ARHGAP36: variants seen among roughly 807,000 people sequenced by gnomAD.
ARHGAP36 encodes the protein Rho GTPase activating protein 36.
In ARHGAP36, 7 loss-of-function variants were observed where a neutral mutation model predicts 32.9. The ratio of observed to expected loss-of-function variants is 0.21; its 90% CI spans 0.12 to 0.40. The LOEUF (loss-of-function observed/expected upper bound fraction) is 0.40, where lower values mean the gene tolerates loss of function less well. Ranked by LOEUF, ARHGAP36 falls within the 10% of genes least tolerant of loss-of-function variation. ARHGAP36 has a pLI of 1.00. For synonymous variants in ARHGAP36, 165 were observed against 168.3 expected, an observed-to-expected ratio of 0.98 and a Z score of 0.15; for missense variants, 383 against 442.2, an observed-to-expected ratio of 0.87 and a Z score of 1.20.
chrX:131,075,029 A>G (rs2079754007), intron 1 of ARHGAP36, among the ~76,000 whole-genome samples: 1 of 112,044 alleles, frequency 8.9e-6, no homozygotes, highest in Non-Finnish European at 1.9e-5. Context: ...ACCCATTTTC[A>G]TCTTCAAAGG....
Position 131,085,034 on chromosome X carries a change from G to T in ARHGAP36, c.925G>T (p.Asp309Tyr). The T allele has an allele frequency of 8.3e-7, 1 of 1,211,068 alleles. No homozygotes were observed. The highest frequency in any genetic ancestry group is 1.1e-6 in the Non-Finnish European group (1 of 895,398). Reference sequence around the variant, plus strand: ...CATGAAGGATTCTCTGCTGCCAGATGATCTGTACATGTCATTCCTCCTGAC... The same window carrying T: ...CATGAAGGATTCTCTGCTGCCAGATTATCTGTACATGTCATTCCTCCTGAC... ...RDMKDSLLPD[D>Y]LYMSFLLTAT... is the part of the protein sequence containing the mutation. The change falls in exon 7 of 12, where the codon GAT becomes TAT. Residue 309 changes from aspartate (D) to tyrosine (Y), a missense_variant. Asp to Tyr is a radical substitution (Grantham distance 160). This residue lies in a region of ARHGAP36 where 227 missense variants were observed against 311.3 expected (regional missense o/e 0.73). Transcript: ENST00000276211.
rs72142237 is a variant in ARHGAP36, at chrX:131,077,764, CATATATATATATATATATATAT to C, written c.-142-3739_-142-3718del. Among the ~76,000 whole-genome samples the C allele has an allele frequency of 8.5e-3, 737 of 86,949 alleles. 16 individuals are homozygous for C. The highest frequency in any genetic ancestry group is 0.031 in the African/African-American group (600 of 19,587). 75.5% of individuals were successfully genotyped at this position (86,949 alleles called of 115,157 possible). A position where few individuals can be genotyped will look rare whatever the true frequency, so the allele number is the denominator to read the frequency against. ...GCCCCTTTACTTATCCAAATAAAATCATATATATATATATATATATATATATATATATATATATATATTGCTA... is the reference window on the plus strand; with the variant it reads ...GCCCCTTTACTTATCCAAATAAAATCATATATATATATATATATATTGCTA... On this transcript the variant is annotated intron_variant, in intron 1 of 11. Coordinates refer to ENST00000276211, the MANE Select transcript of ARHGAP36 (RefSeq NM_144967.4).
intron 11 of ARHGAP36, among the ~76,000 whole-genome samples, chrX:131,087,919 TGAA>T (rs781118293): frequency 1.1e-4 from 12 of 111,843 alleles, no homozygotes; most frequent in African/African-American, 2.6e-4. Context: ...CCAGTGCATT[TGAA>T]GAAGAAGAAG....
At chrX:131,063,022 C>T (rs1320991806) in intron 1 of ARHGAP36, among the ~76,000 whole-genome samples, 1 of 112,308 alleles carries the variant, frequency 8.9e-6, no homozygotes, top group Non-Finnish European at 1.9e-5. Context: ...GACCCAGATG[C>T]TGGTCTTTGA....
intron 1 of ARHGAP36, chrX:131,078,565 C>A: frequency 1.3e-5 from 2 of 157,934 alleles, no homozygotes; most frequent in Non-Finnish European, 2.1e-5. Flanking sequence ...CTTTTGTGTT[C>A]AGCTTGAAAT....
At chrX:131,068,590 C>G (rs2079714302) in intron 1 of ARHGAP36, among the ~76,000 whole-genome samples, 1 of 109,200 alleles carries the variant, frequency 9.2e-6, no homozygotes, top group African/African-American at 3.3e-5. Flanking sequence ...TACCCTCCCC[C>G]TGGCCCTTTC....
Position 131,083,936 on chromosome X carries a change from C to T in ARHGAP36, c.522C>T (p.Thr174=). The change falls in exon 4 of 12, where the codon ACC becomes ACT. Residue 174 remains threonine (T), a synonymous_variant. Transcript: ENST00000276211. ...TCAGTCGCAGGCGGAATGAGCCCAC[C>T]TTGCCCCGGGAGTTCACTCGCCGTG... ...RFFSRRRNEP[T]LPREFTRRGR... 1 of 1,211,846 alleles carries T rather than the reference C, an allele frequency of 8.3e-7. No individual in the cohort carries two copies. Among genetic ancestry groups the T allele is most frequent in the Non-Finnish European group, 1.1e-6 (1 of 895,575 alleles).
intron 1 of ARHGAP36, among the ~76,000 whole-genome samples, chrX:131,073,793 C>T (rs930365531): frequency 1.3e-4 from 15 of 111,374 alleles, no homozygotes; most frequent in African/African-American, 4.6e-4. Flanking sequence ...TTTCTGATTG[C>T]GTCATAGCCA....
intron 1 of ARHGAP36, among the ~76,000 whole-genome samples, chrX:131,059,791 C>T (rs1416219900): frequency 2.7e-5 from 3 of 111,600 alleles, no homozygotes; most frequent in Admixed American, 9.5e-5. Flanking sequence ...TAAGGCCTTA[C>T]TGCTCTAACA....
intron 1 of ARHGAP36, among the ~76,000 whole-genome samples, chrX:131,074,172 C>T (rs992005095): frequency 9.0e-6 from 1 of 111,463 alleles, no homozygotes; most frequent in African/African-American, 3.3e-5. Context: ...AGATGGCTTC[C>T]GGGAGTGTCC....
At chrX:131,079,293 A>G in intron 1 of ARHGAP36, among the ~76,000 whole-genome samples, 1 of 111,805 alleles carries the variant, frequency 8.9e-6, no homozygotes, top group East Asian at 2.8e-4. Context: ...TAAAATGGTC[A>G]CTTTGCAAGT....
chrX:131,086,630 C>T lies in ARHGAP36; in HGVS notation c.1451C>T (p.Ala484Val), dbSNP rs1166048745. 1 of 1,211,977 alleles carries T rather than the reference C, an allele frequency of 8.3e-7. No homozygotes were observed. Among genetic ancestry groups the T allele is most frequent in the East Asian group, 3.0e-5 (1 of 33,841 alleles). The change falls in exon 11 of 12, where the codon GCT becomes GTT. Residue 484 changes from alanine (A) to valine (V), a missense_variant. Coordinates refer to ENST00000276211, the MANE Select transcript of ARHGAP36 (RefSeq NM_144967.4). Reference sequence around the variant, plus strand: ...GTGGAAACCTCTGCTGAAGCCCGGGCTGCTGTCCTTGCTCAAAGCAAGCCT... The same window carrying T: ...GTGGAAACCTCTGCTGAAGCCCGGGTTGCTGTCCTTGCTCAAAGCAAGCCT... ...DPVETSAEARAAVLAQSKPSD... is the reference protein window; with the variant it reads ...DPVETSAEARVAVLAQSKPSD...
At chrX:131,086,110 C>T (rs781636597) in intron 9 of ARHGAP36, 21 bp downstream of exon 9, 3 of 1,205,068 alleles carry the variant, frequency 2.5e-6, no homozygotes, top group South Asian at 1.8e-5. Context: ...GTTTTGGATG[C>T]ACTTGTTTTA....
At chrX:131,084,135 T>G in intron 4 of ARHGAP36, 80 bp from the exon 5 acceptor site, 1 of 1,069,023 alleles carries the variant, frequency 9.4e-7, no homozygotes, top group South Asian at 2.2e-5. Flanking sequence ...TTGTCCTGAA[T>G]GTCATACATA....
intron 1 of ARHGAP36, among the ~76,000 whole-genome samples, chrX:131,068,342 G>A (rs2079712414): frequency 8.9e-6 from 1 of 111,899 alleles, no homozygotes; most frequent in Admixed American, 9.4e-5. Flanking sequence ...GGGAAAAAAG[G>A]AGGGGGGATG....
At chrX:131,073,571 G>T (rs2079744054) in intron 1 of ARHGAP36, among the ~76,000 whole-genome samples, 1 of 113,135 alleles carries the variant, frequency 8.8e-6, no homozygotes, top group Non-Finnish European at 1.9e-5. Context: ...AATAGCAGCC[G>T]TGTGGCCCTG....
At chrX:131,085,351 C>T (rs1222500782) in intron 7 of ARHGAP36, among the ~76,000 whole-genome samples, 3 of 98,126 alleles carry the variant, frequency 3.1e-5, no homozygotes, top group African/African-American at 1.2e-4. Context: ...TGTGTGCCCT[C>T]TCAGGTCAAA....
intron 1 of ARHGAP36, among the ~76,000 whole-genome samples, 197 bp from the exon 2 acceptor site, chrX:131,081,327 T>A (rs1402095720): frequency 9.0e-6 from 1 of 111,280 alleles, no homozygotes; most frequent in Non-Finnish European, 1.9e-5. Flanking sequence ...AACGCTCTAA[T>A]TAATTAACTA....
intron 1 of ARHGAP36, 103 bp from the exon 2 acceptor site, chrX:131,081,421 A>G: frequency 1.9e-6 from 1 of 540,168 alleles, no homozygotes; most frequent in Non-Finnish European, 2.4e-6. Context: ...TTTTCTTCTT[A>G]TTTTCTCTCT....
Sources: allele counts gnomAD v4.1 joint callset (sites outside exome capture counted in the v4.1 genomes callset), GRCh38; gene constraint gnomAD v4.1.1; regional missense constraint gnomAD v4.1.1; transcripts MANE v1.5; gene names NCBI Gene and HGNC (gene_info 2026-07-23, HGNC 2026-07-21).